Variants in CDH10 observed in about 807,000 individuals in gnomAD.
The protein encoded by CDH10 is cadherin-10.
In CDH10, 30 loss-of-function variants were observed where a neutral mutation model predicts 73.1. The observed-to-expected ratio is 0.41, with a 90% CI of 0.31 to 0.56. CDH10 has a LOEUF of 0.56. Ranked by LOEUF, CDH10 falls within the 20% of genes least tolerant of loss-of-function variation. The probability of loss-of-function intolerance (pLI) is 0.27; values close to 1 mark genes in which losing one functional copy is unlikely to be tolerated. For synonymous variants in CDH10, 345 were observed against 348.2 expected (o/e 0.99, Z 0.10); for missense variants, 815 against 973.7 (o/e 0.84, Z 2.17).
intron 7 of CDH10, among the ~76,000 whole-genome samples, chr5:24,507,975 T>G (rs191025116): frequency 6.6e-6 from 1 of 152,326 alleles, no homozygotes; most frequent in East Asian, 1.9e-4. Context: ...TGATTTCACT[T>G]GAAGATATCG....
At position 24,623,497 on chromosome 5, in the gene CDH10, C is replaced by G. The variant is rs1263526815; in HGVS notation, c.-124+21097G>C. Among the ~76,000 whole-genome samples, 3 of 152,104 alleles carry G rather than the reference C, an allele frequency of 2.0e-5. No individual in the cohort carries two copies. In the East Asian group the frequency reaches 5.8e-4, roughly 29 times the overall value. Reference sequence around the variant, plus strand: ...TCTTTCAAATCAGAAATAATTTAAACAATCAGAGAAATTCTCTCTTTTCAA... The same window carrying G: ...TCTTTCAAATCAGAAATAATTTAAAGAATCAGAGAAATTCTCTCTTTTCAA... On this transcript the variant is annotated intron_variant, in intron 1 of 11. Coordinates refer to ENST00000264463, the MANE Select transcript of CDH10 (RefSeq NM_006727.5).
chr5:24,532,270 T>C (rs1046478306), intron 5 of CDH10, among the ~76,000 whole-genome samples: 2 of 152,020 alleles, frequency 1.3e-5, no homozygotes, highest in Non-Finnish European at 1.5e-5. Flanking sequence ...ATAATAATAA[T>C]GGTAATAGAG....
chr5:24,516,961 G>C (rs1418334346), intron 5 of CDH10, among the ~76,000 whole-genome samples: 1 of 151,832 alleles, frequency 6.6e-6, no homozygotes, highest in African/African-American at 2.4e-5. Context: ...GAAAGTATTT[G>C]TATTTGAAAT....
intron 1 of CDH10, among the ~76,000 whole-genome samples, chr5:24,636,592 T>C (rs1381715930): frequency 1.3e-5 from 2 of 151,880 alleles, no homozygotes; most frequent in East Asian, 1.9e-4. Context: ...TTCGTAAAAA[T>C]TTTCTGTATA....
chr5:24,597,803 C>T (rs1405315873), intron 1 of CDH10, among the ~76,000 whole-genome samples: 1 of 151,882 alleles, frequency 6.6e-6, no homozygotes, highest in African/African-American at 2.4e-5. Context: ...CATTTTGGCA[C>T]ATCTCAATTA....
intron 1 of CDH10, among the ~76,000 whole-genome samples, chr5:24,613,732 G>T (rs1369974131): frequency 6.6e-6 from 1 of 152,054 alleles, no homozygotes; most frequent in African/African-American, 2.4e-5. Context: ...AGTTTCTCAT[G>T]AACATATATT....
chr5:24,492,781 C>A (rs1352613752), intron 10 of CDH10, 36 bp downstream of exon 10: 3 of 836,806 alleles, frequency 3.6e-6, no homozygotes, highest in African/African-American at 1.7e-5. Context: ...CTGTTAATAT[C>A]ATCATAAGTC....
intron 2 of CDH10, among the ~76,000 whole-genome samples, chr5:24,589,753 G>A (rs1218862192): frequency 6.6e-6 from 1 of 151,926 alleles, no homozygotes; most frequent in Non-Finnish European, 1.5e-5. Flanking sequence ...TCTGCTCAAC[G>A]CAACTGGACT....
At chr5:24,637,691 C>T (rs1747910782) in intron 1 of CDH10, among the ~76,000 whole-genome samples, 1 of 151,746 alleles carries the variant, frequency 6.6e-6, no homozygotes, top group South Asian at 2.1e-4. Context: ...ATAACAGAAG[C>T]TGCAAAATAA....
intron 1 of CDH10, among the ~76,000 whole-genome samples, chr5:24,610,820 G>A (rs1006480270): frequency 6.6e-6 from 1 of 152,186 alleles, no homozygotes; most frequent in Admixed American, 6.6e-5. Flanking sequence ...TGGAGAAAGT[G>A]GGGAAGCTGC....
intron 2 of CDH10, among the ~76,000 whole-genome samples, chr5:24,591,394 C>G (rs145393319): frequency 3.3e-5 from 5 of 152,026 alleles, no homozygotes; most frequent in Non-Finnish European, 7.4e-5. Context: ...TTTCTGTTAA[C>G]TCTAGTAGTT....
At chr5:24,578,287 C>T (rs1745673661) in intron 2 of CDH10, 1 of 215,200 alleles carries the variant, frequency 4.6e-6, no homozygotes, top group Non-Finnish European at 1.0e-5. Context: ...ATAGAGTTCA[C>T]CCTTTTAAGC....
intron 1 of CDH10, among the ~76,000 whole-genome samples, chr5:24,599,337 G>C (rs1475078902): frequency 6.6e-6 from 1 of 152,094 alleles, no homozygotes; most frequent in Non-Finnish European, 1.5e-5. Context: ...GATAGGAAGA[G>C]AGAGTTTGGG....
intron 1 of CDH10, among the ~76,000 whole-genome samples, chr5:24,636,204 G>A (rs1747862726): frequency 6.6e-6 from 1 of 151,910 alleles, no homozygotes; most frequent in Non-Finnish European, 1.5e-5. Context: ...ATTGTCCTAT[G>A]ATGTAAGTAT....
At chr5:24,498,743 A>C (rs1742383668) in intron 8 of CDH10, among the ~76,000 whole-genome samples, 1 of 152,186 alleles carries the variant, frequency 6.6e-6, no homozygotes, top group African/African-American at 2.4e-5. Context: ...TTATTTTGGA[A>C]AATCATGTTA....
intron 1 of CDH10, among the ~76,000 whole-genome samples, chr5:24,636,491 A>G (rs139826528): frequency 1.8e-3 from 271 of 152,072 alleles, no homozygotes; most frequent in African/African-American, 6.2e-3. Context: ...ACTATTATAT[A>G]GAAGAGTCTT....
intron 1 of CDH10, among the ~76,000 whole-genome samples, chr5:24,620,354 A>C (rs1464105664): frequency 6.6e-6 from 1 of 152,178 alleles, no homozygotes; most frequent in African/African-American, 2.4e-5. Flanking sequence ...CTCAATAATT[A>C]CATCTCCAAA....
intron 2 of CDH10, among the ~76,000 whole-genome samples, chr5:24,590,423 A>G (rs1579851796): frequency 6.6e-6 from 1 of 151,860 alleles, no homozygotes; most frequent in African/African-American, 2.4e-5. Context: ...TAGTGTATAT[A>G]ATACACTATA....
chr5:24,575,069 C>T (rs1231540559), intron 2 of CDH10, among the ~76,000 whole-genome samples: 1 of 151,992 alleles, frequency 6.6e-6, no homozygotes, highest in Non-Finnish European at 1.5e-5. Flanking sequence ...AAAATGTCTC[C>T]TGCTGGTCCA....
Sources: allele counts gnomAD v4.1 joint callset (sites outside exome capture counted in the v4.1 genomes callset), GRCh38; gene constraint gnomAD v4.1.1; transcripts MANE v1.5; gene names NCBI Gene and HGNC (gene_info 2026-07-23, HGNC 2026-07-21).